SAPCD2: variants seen among roughly 807,000 people sequenced by gnomAD.
The protein encoded by SAPCD2 is suppressor APC domain-containing protein 2.
SAPCD2 carries 34 observed loss-of-function variants against 37.8 expected under a neutral mutation model. That is an observed-to-expected ratio of 0.90 (90% CI 0.68 to 1.20). The LOEUF is 1.20. Ranked by LOEUF, SAPCD2 falls within the 50% of genes most tolerant of loss-of-function variation. SAPCD2 has a pLI of 0.00. For missense variants in SAPCD2, 572 were observed against 584.7 expected (o/e 0.98, Z 0.22); for synonymous variants, 275 against 270.3 (o/e 1.02, Z -0.17).
rs749762487 is a variant in SAPCD2, at chr9:137,064,685, C to T, written c.1159G>A (p.Gly387Arg). ...EARALSQQDG[G>R]PLDSTFI ...TAGATGAAGGTGGAATCCAGAGGTC[C>T]CCCGTCCTGCTGGCTCAGGGCGCGG... The change falls in exon 6 of 6, where the codon GGA becomes AGA. Residue 387 changes from glycine (G) to arginine (R), a missense_variant. Transcript: ENST00000409687. 7 of 1,596,842 alleles carry T rather than the reference C, an allele frequency of 4.4e-6. No homozygotes were observed. The highest frequency in any genetic ancestry group is 3.4e-6 in the Non-Finnish European group (4 of 1,173,122).
At position 137,064,767 on chromosome 9, in the gene SAPCD2, C is replaced by G; in HGVS notation, c.1077G>C (p.Glu359Asp). ...TCTCCTGCTCCAGCTGCGTGATGCG[C>G]TCACTCTTCTCGGTCACCTCCTGGG... is the stretch of plus-strand genomic sequence containing the variant. The part of the protein sequence containing the change: ...LLTQEVTEKS[E>D]RITQLEQEKS... Residue 359 changes from glutamate to aspartate, a missense_variant, in exon 6 of 6, where the codon GAG becomes GAC. Glu to Asp is a conservative substitution (Grantham distance 45). Coordinates refer to ENST00000409687, the MANE Select transcript of SAPCD2 (RefSeq NM_178448.4). The G allele has an allele frequency of 1.9e-6, 3 of 1,594,346 alleles. No individual in the cohort carries two copies. The highest frequency in any genetic ancestry group is 2.6e-6 in the Non-Finnish European group (3 of 1,171,166).
At chr9:137,065,379 C>A in intron 3 of SAPCD2, 143 bp downstream of exon 3, 1 of 1,134,634 alleles carries the variant, frequency 8.8e-7, no homozygotes, top group South Asian at 1.6e-5. Flanking sequence ...CAGCCACAGG[C>A]GGAGAAAGGG....
intron 1 of SAPCD2, among the ~76,000 whole-genome samples, chr9:137,066,682 C>T (rs1832551054): frequency 6.6e-6 from 1 of 152,220 alleles, no homozygotes; most frequent in Non-Finnish European, 1.5e-5. Flanking sequence ...ACACCCAGTG[C>T]CCAGAACATG....
At chr9:137,069,809 C>T (rs1460156030) in intron 1 of SAPCD2, 81 bp downstream of exon 1, 3 of 978,640 alleles carry the variant, frequency 3.1e-6, no homozygotes, top group Non-Finnish European at 3.9e-6. Flanking sequence ...GGGAAATGCA[C>T]GGGCAGCAGC....
chr9:137,066,148 G>A (rs901085314), intron 2 of SAPCD2, 114 bp downstream of exon 2: 4 of 828,928 alleles, frequency 4.8e-6, no homozygotes, highest in Non-Finnish European at 7.8e-6. Flanking sequence ...GATGTCCAGA[G>A]CTGACTGTAC....
chr9:137,064,657 G>C lies in SAPCD2; in HGVS notation c.*2C>G, dbSNP rs552124833. ...CCTGGGGGCCCACGCGGCCCACAAGGACTAGATGAAGGTGGAATCCAGAGG... is the reference window on the plus strand; with the variant it reads ...CCTGGGGGCCCACGCGGCCCACAAGCACTAGATGAAGGTGGAATCCAGAGG... On this transcript the variant is annotated 3_prime_UTR_variant, in exon 6 of 6. Transcript: ENST00000409687. 2 of 1,597,142 alleles carry C rather than the reference G, an allele frequency of 1.3e-6. No homozygotes were observed. The highest frequency in any genetic ancestry group is 2.3e-5 in the East Asian group (1 of 44,178).
Position 137,065,202 on chromosome 9 carries a change from G to A in SAPCD2, c.832-17C>T. 1.4e-6 allele frequency: 2 copies of A among 1,433,506 alleles called. No homozygotes were observed. Among genetic ancestry groups the A allele is most frequent in the African/African-American group, 1.4e-5 (1 of 69,756 alleles). The allele number at this position is 1,433,506 out of a possible 1,614,324, so 88.8% of individuals were successfully genotyped here. On this transcript the variant is annotated splice_polypyrimidine_tract_variant and intron_variant, in intron 3 of 5. Coordinates refer to ENST00000409687, the MANE Select transcript of SAPCD2 (RefSeq NM_178448.4). ...CCCAAAGTCCTGGGAAGAAAGCAGA[G>A]GACAAGCGGTCAGAGAGGAGGTCCA...
Position 137,069,021 on chromosome 9 carries a change from A to C in SAPCD2, c.571+869T>G, listed in dbSNP as rs572982160. 5.1e-4 allele frequency among the ~76,000 whole-genome samples: 78 copies of C among 152,354 alleles called. 1 individual carries two copies. The highest frequency in any genetic ancestry group is 1.8e-3 in the African/African-American group (75 of 41,592). On this transcript the variant is annotated intron_variant, in intron 1 of 5. Transcript: ENST00000409687. Reference sequence around the variant, plus strand: ...AGCAGTACAGGGAGGGTGGCAGAGCAGCAGGCAGCACAGGGACCGGCAGGA... The same window carrying C: ...AGCAGTACAGGGAGGGTGGCAGAGCCGCAGGCAGCACAGGGACCGGCAGGA...
In SAPCD2 at chr9:137,070,518, A is replaced by T. The variant is rs1252746258; in HGVS notation, c.-58T>A. 1 of 1,094,342 alleles carries T rather than the reference A, an allele frequency of 9.1e-7. No homozygotes were observed. The highest frequency in any genetic ancestry group is 4.6e-5 in the South Asian group (1 of 21,770). The allele number at this position is 1,094,342 out of a possible 1,614,324, so 67.8% of individuals were successfully genotyped here. A position where few individuals can be genotyped will look rare whatever the true frequency, so the allele number is the denominator to read the frequency against. ...CGTGCGTCCCAGCGCGGCCCCACGGAGGGGCCGGCCCGGCGAGCTCAGCCC... is the reference window on the plus strand; with the variant it reads ...CGTGCGTCCCAGCGCGGCCCCACGGTGGGGCCGGCCCGGCGAGCTCAGCCC... On this transcript the variant is annotated 5_prime_UTR_variant, in exon 1 of 6. Coordinates refer to ENST00000409687, the MANE Select transcript of SAPCD2 (RefSeq NM_178448.4).
In SAPCD2 at chr9:137,065,970, G is replaced by A. The variant is rs78232908; in HGVS notation, c.684+292C>T. Among the ~76,000 whole-genome samples, 655 of 152,240 alleles carry A rather than the reference G, an allele frequency of 4.3e-3. 3 individuals are homozygous for A. Among genetic ancestry groups the A allele is most frequent in the African/African-American group, 0.013 (538 of 41,548 alleles). On this transcript the variant is annotated intron_variant, in intron 2 of 5. Coordinates refer to ENST00000409687, the MANE Select transcript of SAPCD2 (RefSeq NM_178448.4). ...ACCCTTCAGCTGAGCCCACCCTCCC[G>A]AAGTCTGCCTGTGGTGAGCACACAG...
At chr9:137,067,545 G>C (rs1564261570) in intron 1 of SAPCD2, among the ~76,000 whole-genome samples, 1 of 151,078 alleles carries the variant, frequency 6.6e-6, no homozygotes, top group Non-Finnish European at 1.5e-5. Flanking sequence ...GCTGGGGCGG[G>C]GGGGGATCAG....
At chr9:137,069,638 C>T (rs993126794) in intron 1 of SAPCD2, among the ~76,000 whole-genome samples, 1 of 152,226 alleles carries the variant, frequency 6.6e-6, no homozygotes, top group African/African-American at 2.4e-5. Context: ...CCCCCCGGCC[C>T]TGGTGGCCTT....
intron 1 of SAPCD2, among the ~76,000 whole-genome samples, chr9:137,066,880 G>A (rs1053013314): frequency 1.3e-5 from 2 of 152,194 alleles, no homozygotes; most frequent in Non-Finnish European, 2.9e-5. Context: ...CGCATGGCCG[G>A]GCACAGTGGC....
Position 137,063,852 on chromosome 9 carries a change from C to T in SAPCD2, c.*807G>A, listed in dbSNP as rs1385378033. The T allele has an allele frequency of 6.6e-6, 1 of 152,326 alleles. No individual in the cohort carries two copies. The highest frequency in any genetic ancestry group is 1.5e-5 in the Non-Finnish European group (1 of 68,126). The allele number at this position is 152,326 out of a possible 1,614,324, so 9.4% of individuals were successfully genotyped here. ...GAGCAGGACCCCAGGCCTTGGAAAT[C>T]CTGAGTCGGGGGAACAGGCTTTGCC... On this transcript the variant is annotated 3_prime_UTR_variant, in exon 6 of 6. Transcript: ENST00000409687.
chr9:137,070,507 C>T lies in SAPCD2; in HGVS notation c.-47G>A, dbSNP rs1832611581. 1 of 1,163,790 alleles carries T rather than the reference C, an allele frequency of 8.6e-7. No homozygotes were observed. Among genetic ancestry groups the T allele is most frequent in the Non-Finnish European group, 1.1e-6 (1 of 934,516 alleles). 72.1% of individuals were successfully genotyped at this position (1,163,790 alleles called of 1,614,324 possible). Reference sequence around the variant, plus strand: ...TCGTCCACCCGCGTGCGTCCCAGCGCGGCCCCACGGAGGGGCCGGCCCGGC... The same window carrying T: ...TCGTCCACCCGCGTGCGTCCCAGCGTGGCCCCACGGAGGGGCCGGCCCGGC... On this transcript the variant is annotated 5_prime_UTR_variant, in exon 1 of 6. Coordinates refer to ENST00000409687, the MANE Select transcript of SAPCD2 (RefSeq NM_178448.4).
chr9:137,062,684 GGCAGGGTCT>G lies in SAPCD2; in HGVS notation c.*1966_*1974del, dbSNP rs1167365291. On this transcript the variant is annotated 3_prime_UTR_variant, in exon 6 of 6. Transcript: ENST00000409687. The stretch of plus-strand genomic sequence containing the variant: ...GCCCAGCGTCCTAGGGCAGGCTCCA[GGCAGGGTCT>G]GCATGTGCCTCTGCCAGCCACCTAG... 2.6e-5 allele frequency: 4 copies of G among 152,338 alleles called. No individual in the cohort carries two copies. The highest frequency in any genetic ancestry group is 5.9e-5 in the Non-Finnish European group (4 of 68,042). 9.4% of individuals were successfully genotyped at this position (152,338 alleles called of 1,614,324 possible).
intron 3 of SAPCD2, 99 bp downstream of exon 3, chr9:137,065,423 C>G (rs1588563689): frequency 7.2e-7 from 1 of 1,385,176 alleles, no homozygotes; most frequent in South Asian, 1.4e-5. Context: ...TCGACAGCCA[C>G]TGTGTCCGGG....
chr9:137,068,639 G>A (rs4880087), intron 1 of SAPCD2, among the ~76,000 whole-genome samples: 29,150 of 152,218 alleles, frequency 0.19, 3,494 homozygotes, highest in East Asian at 0.3. Context: ...CTGGCCCTCC[G>A]TTTGCCTGTG....
rs759620910 is a variant in SAPCD2, at chr9:137,064,956, C to G, written c.963G>C (p.Gly321=). 21 of 1,545,132 alleles carry G rather than the reference C, an allele frequency of 1.4e-5. No homozygotes were observed. In the South Asian group the frequency reaches 2.3e-4, roughly 17 times the overall value. Reference sequence around the variant, plus strand: ...TGGACGTCAGGGCAGGGCAGGGGGGCCCGGAGGAGGACGGGGGCAGGGCCT... The same window carrying G: ...TGGACGTCAGGGCAGGGCAGGGGGGGCCGGAGGAGGACGGGGGCAGGGCCT... ...ASRALPPSSS[G]PPCPALTSTS... is the part of the protein sequence containing the mutation. Residue 321 remains glycine, a synonymous_variant, in exon 5 of 6, where the codon GGG becomes GGC. Transcript: ENST00000409687.
Sources: gnomAD v4.1 joint callset for allele counts (sites outside exome capture counted in the v4.1 genomes callset) on GRCh38, gnomAD v4.1.1 for gene constraint, MANE v1.5 for transcripts, NCBI Gene and HGNC (gene_info 2026-07-23, HGNC 2026-07-21) for gene names.